Variants in PDZD2 observed in about 807,000 individuals in gnomAD.
PDZD2 encodes PDZ domain-containing protein 2.
In PDZD2, 90 loss-of-function variants were observed where a neutral mutation model predicts 220.7. The ratio of observed to expected loss-of-function variants is 0.41; its 90% CI spans 0.34 to 0.49. The LOEUF (loss-of-function observed/expected upper bound fraction) is 0.49, where lower values mean the gene tolerates loss of function less well. Ranked by LOEUF, PDZD2 falls within the 20% of genes least tolerant of loss-of-function variation. The pLI is 0.28. For missense variants in PDZD2, 3,174 were observed against 3,608.5 expected, an observed-to-expected ratio of 0.88 and a Z score of 3.08; for synonymous variants, 1,375 against 1,450.5, an observed-to-expected ratio of 0.95 and a Z score of 1.18.
chr5:31,690,172 GTCT>G (rs1747060833), intron 1 of PDZD2, among the ~76,000 whole-genome samples: 1 of 151,980 alleles, frequency 6.6e-6, no homozygotes, highest in Admixed American at 6.6e-5. Context: ...GTGCTTTTTG[GTCT>G]TCTACTTGGA....
intron 1 of PDZD2, among the ~76,000 whole-genome samples, chr5:31,723,021 TTAAAC>T (rs1416481741): frequency 3.9e-5 from 6 of 152,350 alleles, no homozygotes; most frequent in Non-Finnish European, 8.8e-5. Context: ...TTTTTGTTGT[TTAAAC>T]TATACATCCA....
At chr5:31,666,186 T>C (rs1745980885) in intron 1 of PDZD2, among the ~76,000 whole-genome samples, 1 of 152,074 alleles carries the variant, frequency 6.6e-6, no homozygotes, top group South Asian at 2.1e-4. Context: ...TAGGGAAACA[T>C]CCTCTTTGAC....
Position 32,074,500 on chromosome 5 carries a change from G to A in PDZD2, c.3394G>A (p.Glu1132Lys), listed in dbSNP as rs529547570. Residue 1132 changes from glutamate (E) to lysine (K), a missense_variant, in exon 18 of 25, where the codon GAG (glutamate) becomes AAG (lysine). Around this residue, in one of 4 missense-constraint regions of PDZD2, gnomAD observed 1,861 missense variants for 2,001.0 expected, o/e 0.93. Transcript: ENST00000438447. ...ARVSPHCKRSEAEAKPSGSQT... is the reference protein window; with the variant it reads ...ARVSPHCKRSKAEAKPSGSQT... ...GGTAAGCCCCCACTGCAAGAGATCCGAGGCTGAGGCCAAGCCCAGTGGCTC... is the reference window on the plus strand; with the variant it reads ...GGTAAGCCCCCACTGCAAGAGATCCAAGGCTGAGGCCAAGCCCAGTGGCTC... The A allele has an allele frequency of 1.6e-5, 26 of 1,614,010 alleles. No homozygotes were observed. The highest frequency in any genetic ancestry group is 6.7e-5 in the Admixed American group (4 of 60,006).
chr5:31,913,480 C>T (rs11743722), intron 2 of PDZD2, among the ~76,000 whole-genome samples: 2,449 of 152,142 alleles, frequency 0.016, 58 homozygotes, highest in African/African-American at 0.054. Context: ...TTGAAAAATA[C>T]GAAGGCTAAG....
rs150985137 is a variant in PDZD2 at position 31,887,827 on chromosome 5, G to C, written c.476+88103G>C. ...GTCATCAGTTTTATGTGCGGGGGAG[G>C]GGGGGAACAGCACTTTTTCTAAAGG... is the stretch of plus-strand genomic sequence containing the variant. On this transcript the variant is annotated intron_variant, in intron 2 of 24. Coordinates refer to ENST00000438447, the MANE Select transcript of PDZD2 (RefSeq NM_178140.4). Among the ~76,000 whole-genome samples the C allele has an allele frequency of 2.0e-5, 3 of 150,622 alleles. No homozygotes were observed. In the East Asian group the frequency reaches 6.0e-4, roughly 30 times the overall value.
chr5:31,790,187 A>G (rs1186398140), intron 1 of PDZD2, among the ~76,000 whole-genome samples: 1 of 151,850 alleles, frequency 6.6e-6, no homozygotes, highest in Non-Finnish European at 1.5e-5. Flanking sequence ...GGCTCACTGC[A>G]ACCTCCACCT....
At chr5:31,739,161 C>T (rs1470979073) in intron 1 of PDZD2, among the ~76,000 whole-genome samples, 5 of 152,198 alleles carry the variant, frequency 3.3e-5, no homozygotes, top group Admixed American at 3.3e-4. Context: ...GCTGGGATTA[C>T]AGGCGTGAGC....
At chr5:31,788,413 C>G (rs1371311284) in intron 1 of PDZD2, among the ~76,000 whole-genome samples, 1 of 151,878 alleles carries the variant, frequency 6.6e-6, no homozygotes, top group Admixed American at 6.6e-5. Context: ...CGCCTGTAAT[C>G]CCAGCACTTT....
At position 31,807,576 on chromosome 5, in the gene PDZD2, C is replaced by T. The variant is rs539493529; in HGVS notation, c.476+7852C>T. ...GGAGAGAGAAGAGCCTCAAACTCTG[C>T]CTGTTCACTCCACAGGGAAGACAAA... On this transcript the variant is annotated intron_variant, in intron 2 of 24. Coordinates refer to ENST00000438447, the MANE Select transcript of PDZD2 (RefSeq NM_178140.4). Among the ~76,000 whole-genome samples, 5 of 152,318 alleles carry T rather than the reference C, an allele frequency of 3.3e-5. No individual in the cohort carries two copies. In the South Asian group the frequency reaches 1.0e-3, roughly 32 times the overall value.
chr5:31,854,901 G>T (rs1353376179), intron 2 of PDZD2: 18 of 858,438 alleles, frequency 2.1e-5, no homozygotes, highest in Middle Eastern at 6.1e-4. Flanking sequence ...CCTCCACCGC[G>T]GCGCGGAGGG....
At chr5:31,707,322 TTAA>T (rs1366265404) in intron 1 of PDZD2, among the ~76,000 whole-genome samples, 1 of 151,482 alleles carries the variant, frequency 6.6e-6, no homozygotes, top group African/African-American at 2.4e-5. Flanking sequence ...AATTAATTAA[TTAA>T]TTAATTAAAT....
chr5:32,053,353 ATTT>A (rs1738769110), intron 9 of PDZD2, among the ~76,000 whole-genome samples: 1 of 152,248 alleles, frequency 6.6e-6, no homozygotes, highest in Non-Finnish European at 1.5e-5. Context: ...CAAAATATTC[ATTT>A]TGATATTATA....
At chr5:32,081,127 G>C (rs1741910467) in intron 19 of PDZD2, among the ~76,000 whole-genome samples, 1 of 151,956 alleles carries the variant, frequency 6.6e-6, no homozygotes, top group Non-Finnish European at 1.5e-5. Context: ...GTGGGTTGCT[G>C]CATGTCAAGT....
intron 2 of PDZD2, among the ~76,000 whole-genome samples, chr5:31,865,323 C>CT (rs1264845562): frequency 5.3e-5 from 8 of 151,442 alleles, no homozygotes; most frequent in Non-Finnish European, 1.2e-4. Context: ...TTGTTTTTGG[C>CT]TTTTTTTGAG....
chr5:31,894,040 A>G (rs1741304866), intron 2 of PDZD2, among the ~76,000 whole-genome samples: 1 of 142,030 alleles, frequency 7.0e-6, no homozygotes, highest in African/African-American at 2.6e-5. Context: ...GATTACAGGC[A>G]TGCGCCACCA....
At chr5:31,653,976 G>T (rs796180107) in intron 1 of PDZD2, among the ~76,000 whole-genome samples, 11 of 152,196 alleles carry the variant, frequency 7.2e-5, no homozygotes, top group African/African-American at 2.6e-4. Context: ...AGTAGAGACG[G>T]GGTTTCACCG....
intron 2 of PDZD2, among the ~76,000 whole-genome samples, chr5:31,875,615 A>G (rs1025289900): frequency 6.8e-6 from 1 of 147,668 alleles, no homozygotes; most frequent in Non-Finnish European, 1.5e-5. Context: ...TATATATTTT[A>G]AAAATATATG....
intron 1 of PDZD2, among the ~76,000 whole-genome samples, chr5:31,781,211 C>T (rs745628760): frequency 1.3e-5 from 2 of 152,204 alleles, no homozygotes; most frequent in Non-Finnish European, 2.9e-5. Context: ...GTCAGGAGTT[C>T]AAGGCCAGCC....
chr5:31,756,755 T>C (rs1457140323), intron 1 of PDZD2, among the ~76,000 whole-genome samples: 1 of 152,232 alleles, frequency 6.6e-6, no homozygotes, highest in East Asian at 1.9e-4. Context: ...CAGGCACCAC[T>C]GGACACCTGC....
Sources: allele counts gnomAD v4.1 joint callset (sites outside exome capture counted in the v4.1 genomes callset), GRCh38; gene constraint gnomAD v4.1.1; regional missense constraint gnomAD v4.1.1; transcripts MANE v1.5; gene names NCBI Gene and HGNC (gene_info 2026-07-23, HGNC 2026-07-21).